CENPI: variants seen among roughly 807,000 people sequenced by gnomAD.
CENPI encodes centromere protein I.
CENPI carries 4 observed loss-of-function variants against 60.4 expected under a neutral mutation model. That is an observed-to-expected ratio of 0.07 (90% CI 0.03 to 0.15). The LOEUF (loss-of-function observed/expected upper bound fraction) is 0.15. Ranked by LOEUF, CENPI falls within the 10% of genes least tolerant of loss-of-function variation. The pLI is 1.00. For missense variants in CENPI, 444 were observed against 534.5 expected (o/e 0.83, Z 1.67); for synonymous variants, 157 against 189.4 (o/e 0.83, Z 1.40).
chrX:101,102,434 T>C (rs1444896819), intron 4 of CENPI, 23 bp downstream of exon 4: 1 of 1,125,351 alleles, frequency 8.9e-7, no homozygotes, highest in Non-Finnish European at 1.2e-6. Context: ...AATGCTTTTT[T>C]TTTCTTTTAA....
chrX:101,132,718 AAAAC>A (rs932313736), intron 15 of CENPI, among the ~76,000 whole-genome samples: 4 of 111,624 alleles, frequency 3.6e-5, no homozygotes, highest in African/African-American at 9.8e-5. Context: ...CATATTAATA[AAAAC>A]AAACAAACTG....
chrX:101,174,878 C>T, the CENPI span, among the ~76,000 whole-genome samples: 4 of 111,600 alleles, frequency 3.6e-5, no homozygotes, highest in East Asian at 5.6e-4. Context: ...GAGGCCGAGG[C>T]GGGTGGATCA....
chrX:101,130,760 C>T (rs1375880675), intron 13 of CENPI, among the ~76,000 whole-genome samples: 1 of 111,659 alleles, frequency 9.0e-6, no homozygotes, highest in East Asian at 2.8e-4. Flanking sequence ...GTTTGGGTAA[C>T]CCTGAGTTGT....
chrX:101,140,920 GA>G, intron 16 of CENPI, 160 bp downstream of exon 16: 3 of 409,611 alleles, frequency 7.3e-6, no homozygotes, highest in Non-Finnish European at 8.5e-6. Flanking sequence ...CCACAATCCT[GA>G]AAGGAAGGCT....
chrX:101,137,447 GGGAAAAGAATT>G (rs2089859001), intron 15 of CENPI, among the ~76,000 whole-genome samples: 1 of 111,273 alleles, frequency 9.0e-6, no homozygotes, highest in Non-Finnish European at 1.9e-5. Flanking sequence ...TAGCAGCCAT[GGGAAAAGAATT>G]GGGGTTTGGG....
At chrX:101,120,876 CTTTTTT>C in intron 8 of CENPI, 92 bp downstream of exon 8, 19 of 497,857 alleles carry the variant, frequency 3.8e-5, no homozygotes, top group South Asian at 7.6e-5. Flanking sequence ...AACTCTTGAT[CTTTTTT>C]TTTTTTTTTT....
chrX:101,154,811 G>GT lies in CENPI; in HGVS notation c.2094+6656dup, dbSNP rs1047510859. On this transcript the variant is annotated intron_variant, in intron 20 of 21. Transcript: ENST00000682095. ...GGCTAAATTTATTCCTAAGTACTGT[G>GT]TTTTTTGATGTTATCGTAAATGGAA... 5.4e-5 allele frequency among the ~76,000 whole-genome samples: 6 copies of GT among 111,079 alleles called. No individual in the cohort carries two copies. The East Asian group carries it at 1.7e-3, about 31-fold the overall frequency.
chrX:101,139,477 A>C (rs2089890855), intron 15 of CENPI, among the ~76,000 whole-genome samples: 1 of 112,427 alleles, frequency 8.9e-6, no homozygotes, highest in Non-Finnish European at 1.9e-5. Flanking sequence ...AAAAAAAGAT[A>C]ATATAACATT....
In CENPI at chrX:101,164,844, A is replaced by G. The variant is rs953597871; in HGVS notation, c.*1877A>G. Among the ~76,000 whole-genome samples the G allele has an allele frequency of 8.9e-6, 1 of 112,390 alleles. No individual in the cohort carries two copies. Among genetic ancestry groups the G allele is most frequent in the African/African-American group, 3.2e-5 (1 of 31,000 alleles). On this transcript the variant is annotated 3_prime_UTR_variant, in exon 22 of 22. Transcript: ENST00000682095. ...TTTACTGATTTGTGTATACTGAATC[A>G]TCTTTGCATCCCGGGATGAATCCCA...
chrX:101,154,517 G>T (rs1179835052), intron 20 of CENPI, among the ~76,000 whole-genome samples: 1 of 111,342 alleles, frequency 9.0e-6, no homozygotes, highest in Non-Finnish European at 1.9e-5. Context: ...GGGGGCGGAG[G>T]TTGCGGTGAG....
the CENPI span, among the ~76,000 whole-genome samples, chrX:101,173,594 C>A: frequency 9.1e-6 from 1 of 110,188 alleles, no homozygotes; most frequent in African/African-American, 3.3e-5. Context: ...TATTTAAGCA[C>A]AATCAGAAAT....
intron 2 of CENPI, chrX:101,099,795 T>C (rs1332485662): frequency 5.8e-5 from 6 of 104,324 alleles, no homozygotes; most frequent in Non-Finnish European, 1.2e-4. Flanking sequence ...CCTTTTTTTT[T>C]TTTTTTTTTT....
intron 20 of CENPI, among the ~76,000 whole-genome samples, chrX:101,160,355 A>G (rs1043315386): frequency 9.5e-5 from 10 of 105,357 alleles, no homozygotes; most frequent in Non-Finnish European, 1.7e-4. Flanking sequence ...TTGAGACCCC[A>G]GCACCCTTAG....
intron 4 of CENPI, 118 bp downstream of exon 4, chrX:101,102,529 A>G (rs1224694743): frequency 6.7e-6 from 2 of 297,723 alleles, no homozygotes; most frequent in Non-Finnish European, 1.1e-5. Context: ...ATATATATAT[A>G]CTTTTTTTTA....
At chrX:101,167,940 C>G (rs1008642437), downstream of CENPI, among the ~76,000 whole-genome samples, 2 of 111,724 alleles carry the variant, frequency 1.8e-5, no homozygotes, top group Non-Finnish European at 3.8e-5. Flanking sequence ...GGGAGGGGGT[C>G]AGGGCAAGCC....
chrX:101,100,468 T>A (rs1169020335), intron 2 of CENPI: 1 of 112,353 alleles, frequency 8.9e-6, no homozygotes, highest in Non-Finnish European at 1.9e-5. Flanking sequence ...CAGGCTGGAG[T>A]GCAGTAGTGC....
At chrX:101,139,614 G>A (rs2089891897) in intron 15 of CENPI, among the ~76,000 whole-genome samples, 1 of 111,531 alleles carries the variant, frequency 9.0e-6, no homozygotes, top group Non-Finnish European at 1.9e-5. Context: ...TTGTCAAAAA[G>A]TATATTAATT....
intron 13 of CENPI, among the ~76,000 whole-genome samples, chrX:101,131,382 T>A (rs1325506356): frequency 9.0e-6 from 1 of 110,861 alleles, no homozygotes; most frequent in East Asian, 2.8e-4. Flanking sequence ...AGGATAGCAA[T>A]TTAGGTTGAC....
chrX:101,148,803 T>A (rs149331628), intron 20 of CENPI, among the ~76,000 whole-genome samples: 1,321 of 111,566 alleles, frequency 0.012, 7 homozygotes, highest in Middle Eastern at 0.084. Flanking sequence ...GGACTCAGGA[T>A]TCCCTTAACA....
Sources: gnomAD v4.1 joint callset for allele counts (sites outside exome capture counted in the v4.1 genomes callset) on GRCh38, gnomAD v4.1.1 for gene constraint, MANE v1.5 for transcripts, NCBI Gene and HGNC (gene_info 2026-07-23, HGNC 2026-07-21) for gene names.